ZFR2: variants seen among roughly 807,000 people sequenced by gnomAD.
The protein encoded by ZFR2 is zinc finger RNA binding protein 2.
In ZFR2, 104 loss-of-function variants were observed where a neutral mutation model predicts 105.7. That is an observed-to-expected ratio of 0.98 (90% CI 0.84 to 1.16). The LOEUF (loss-of-function observed/expected upper bound fraction) is 1.16, where lower values mean the gene tolerates loss of function less well. ZFR2 is among the 50% of genes most tolerant of loss of function. The pLI is 0.00. For missense variants in ZFR2, 1,425 were observed against 1,355.5 expected (o/e 1.05, Z -0.80); for synonymous variants, 634 against 597.7 (o/e 1.06, Z -0.89).
At position 3,809,104 on chromosome 19, in the gene ZFR2, C is replaced by T. The variant is rs543624644; in HGVS notation, c.2434-121G>A. 3,357 of 690,986 alleles carry T rather than the reference C, an allele frequency of 4.9e-3. 87 individuals are homozygous for T. In the African/African-American group the frequency reaches 0.052, roughly 11 times the overall value. The allele number at this position is 690,986 out of a possible 1,614,324, so 42.8% of individuals were successfully genotyped here. A position where few individuals can be genotyped will look rare whatever the true frequency, so the allele number is the denominator to read the frequency against. On this transcript the variant is annotated intron_variant, in intron 16 of 18. Transcript: ENST00000262961. Reference sequence around the variant, plus strand: ...TCAGCTCTTTCTCTAACTCCCACCACCCACTGAACTTCCGCCGAGGAGGGC... The same window carrying T: ...TCAGCTCTTTCTCTAACTCCCACCATCCACTGAACTTCCGCCGAGGAGGGC...
At chr19:3,842,205 G>A (rs4806957) in intron 1 of ZFR2, among the ~76,000 whole-genome samples, 24,832 of 151,604 alleles carry the variant, frequency 0.16, 2,891 homozygotes, top group African/African-American at 0.34. Context: ...TAGAGATGGG[G>A]GTCTTGCTGT....
Position 3,806,138 on chromosome 19 carries a change from C to G in ZFR2, c.2644-13G>C. 7.0e-7 allele frequency: 1 copy of G among 1,419,550 alleles called. No individual in the cohort carries two copies. Among genetic ancestry groups the G allele is most frequent in the Non-Finnish European group, 9.2e-7 (1 of 1,088,778 alleles). 87.9% of individuals were successfully genotyped at this position (1,419,550 alleles called of 1,614,324 possible). A position where few individuals can be genotyped will look rare whatever the true frequency, so the allele number is the denominator to read the frequency against. ...TTCGCAGGGCGTGCTGCGGGGCACA[C>G]ACAGCCTGTCAGGACCCCCGCCCGC... On this transcript the variant is annotated splice_polypyrimidine_tract_variant and intron_variant, in intron 18 of 18. Transcript: ENST00000262961.
intron 1 of ZFR2, among the ~76,000 whole-genome samples, chr19:3,847,657 G>A (rs1464992924): frequency 6.6e-6 from 1 of 152,188 alleles, no homozygotes; most frequent in Non-Finnish European, 1.5e-5. Flanking sequence ...AGAGGCTCAG[G>A]CCTCACCTTT....
At chr19:3,861,401 T>G (rs1308163789) in intron 1 of ZFR2, among the ~76,000 whole-genome samples, 1 of 151,756 alleles carries the variant, frequency 6.6e-6, no homozygotes, top group East Asian at 1.9e-4. Flanking sequence ...CCGAGGCAGG[T>G]GGATCACTTA....
At chr19:3,807,968 C>T (rs1014111420) in intron 17 of ZFR2, among the ~76,000 whole-genome samples, 3 of 147,400 alleles carry the variant, frequency 2.0e-5, no homozygotes, top group African/African-American at 7.6e-5. Context: ...TCTGTGTGTG[C>T]CCGTGCGTGC....
In ZFR2 at chr19:3,858,593, G is replaced by A. The variant is rs950638041; in HGVS notation, c.53+10372C>T. On this transcript the variant is annotated intron_variant, in intron 1 of 18. Coordinates refer to ENST00000262961, the MANE Select transcript of ZFR2 (RefSeq NM_015174.2). This position sits in a 1 kb window ranked among gnomAD's most constrained non-coding sequence, Gnocchi z 4.3. The stretch of plus-strand genomic sequence containing the variant: ...AGTGCTTTGGGAGGCCAAGGCAGGC[G>A]GATCACCTGAGGTCAGGAGTTCAAG... Among the ~76,000 whole-genome samples the A allele has an allele frequency of 1.3e-5, 2 of 152,152 alleles. No homozygotes were observed. The highest frequency in any genetic ancestry group is 2.4e-5 in the African/African-American group (1 of 41,436).
chr19:3,821,990 G>A, intron 9 of ZFR2, 91 bp downstream of exon 9: 1 of 1,475,522 alleles, frequency 6.8e-7, no homozygotes, highest in South Asian at 1.3e-5. Context: ...CGGATCACAC[G>A]CGCGGAAGAG....
At chr19:3,867,221 A>G (rs536632685) in intron 1 of ZFR2, among the ~76,000 whole-genome samples, 64 of 151,986 alleles carry the variant, frequency 4.2e-4, no homozygotes, top group Non-Finnish European at 7.9e-4. Flanking sequence ...GTGGGGGCTC[A>G]GCAGGGACTG....
intron 11 of ZFR2, among the ~76,000 whole-genome samples, chr19:3,819,852 C>CAAA (rs1555754315): frequency 3.6e-5 from 5 of 138,658 alleles, no homozygotes; most frequent in African/African-American, 1.4e-4. Flanking sequence ...GACTCTGTCT[C>CAAA]AAAAAAAAAT....
intron 5 of ZFR2, among the ~76,000 whole-genome samples, chr19:3,828,862 A>G (rs1224653025): frequency 1.5e-4 from 23 of 152,194 alleles, no homozygotes. Context: ...CCGGCTTGGC[A>G]CACAAGAACT....
At chr19:3,862,431 G>A (rs1036383997) in intron 1 of ZFR2, among the ~76,000 whole-genome samples, 1 of 152,130 alleles carries the variant, frequency 6.6e-6, no homozygotes, top group Non-Finnish European at 1.5e-5. Flanking sequence ...CCGAGTAGCT[G>A]GGACCACAGG....
At chr19:3,816,897 C>A (rs1044385515) in intron 12 of ZFR2, 52 bp from the exon 13 acceptor site, 1 of 1,483,598 alleles carries the variant, frequency 6.7e-7, no homozygotes, top group South Asian at 1.3e-5. Context: ...ACGCGGGGTA[C>A]CCCAGCTGCC....
chr19:3,807,721 T>C (rs1441737925), intron 17 of ZFR2, among the ~76,000 whole-genome samples: 8 of 148,546 alleles, frequency 5.4e-5, no homozygotes, highest in Non-Finnish European at 1.0e-4. Context: ...ATGCACGGTG[T>C]GCCCGTGTGT....
chr19:3,805,972 G>T lies in ZFR2; in HGVS notation c.2797C>A (p.Arg933=), dbSNP rs781206040. Residue 933 remains arginine, a synonymous_variant, in exon 19 of 19, where the codon CGG becomes AGG. Transcript: ENST00000262961. ...EGAGEKKRGR[R]GGEGLV ...GCTCACACGAGCCCCTCTCCGCCCC[G>T]CCGGCCCCGCTTCTTCTCCCCTGCG... is the stretch of plus-strand genomic sequence containing the variant. 3.3e-6 allele frequency: 5 copies of T among 1,537,836 alleles called. No individual in the cohort carries two copies. Among genetic ancestry groups the T allele is most frequent in the Admixed American group, 3.9e-5 (2 of 50,686 alleles).
rs759958697 is a variant in ZFR2 at position 3,831,861 on chromosome 19, C to T, written c.397G>A (p.Gly133Arg). Residue 133 changes from glycine to arginine, a missense_variant, in exon 4 of 19, where the codon GGG (glycine) becomes AGG (arginine). Gly to Arg is a moderately radical substitution (Grantham distance 125, BLOSUM62 -2). Coordinates refer to ENST00000262961, the MANE Select transcript of ZFR2 (RefSeq NM_015174.2). ...SGQPGTQEACGQPSPHGSHSH... is the reference protein window; with the variant it reads ...SGQPGTQEACRQPSPHGSHSH... ...TGACTGCCATGGGGGCTGGGCTGCC[C>T]GCAGGCTTCTTGGGTCCCTAGGGGA... 47 of 1,586,356 alleles carry T rather than the reference C, an allele frequency of 3.0e-5. No homozygotes were observed. The East Asian group carries it at 3.6e-4, about 12-fold the overall frequency.
At chr19:3,807,821 T>C (rs1382340393) in intron 17 of ZFR2, among the ~76,000 whole-genome samples, 3 of 147,604 alleles carry the variant, frequency 2.0e-5, no homozygotes, top group African/African-American at 7.6e-5. Context: ...CACGTGTGCC[T>C]GTATGTGCAC....
intron 17 of ZFR2, among the ~76,000 whole-genome samples, chr19:3,808,541 A>G (rs1002920517): frequency 6.6e-6 from 1 of 152,074 alleles, no homozygotes; most frequent in Non-Finnish European, 1.5e-5. Context: ...ACCGGGGTGG[A>G]TTTGTGCCAG....
At chr19:3,807,689 A>T (rs55954849) in intron 17 of ZFR2, among the ~76,000 whole-genome samples, 19,828 of 143,094 alleles carry the variant, frequency 0.14, 1,605 homozygotes, top group Admixed American at 0.29. Flanking sequence ...GTGCTTGTGC[A>T]TGCACCCATG....
At position 3,834,651 on chromosome 19, in the gene ZFR2, CGAAG is replaced by C. The variant is rs1332796495; in HGVS notation, c.264+118_264+121del. 17 of 1,107,448 alleles carry C rather than the reference CGAAG, an allele frequency of 1.5e-5. No individual in the cohort carries two copies. Among genetic ancestry groups the C allele is most frequent in the Non-Finnish European group, 2.2e-5 (17 of 762,952 alleles). The allele number at this position is 1,107,448 out of a possible 1,614,324, so 68.6% of individuals were successfully genotyped here. ...GTACGCAATGCCAGCAGAAGGGTCCCGAAGGAAGGATCACGGTTAAGAGGCCTGG... is the reference window on the plus strand; with the variant it reads ...GTACGCAATGCCAGCAGAAGGGTCCCGAAGGATCACGGTTAAGAGGCCTGG... On this transcript the variant is annotated intron_variant, in intron 2 of 18. Coordinates refer to ENST00000262961, the MANE Select transcript of ZFR2 (RefSeq NM_015174.2). The surrounding 1 kb of genome is among the most constrained non-coding windows in gnomAD (Gnocchi z 5.3).
Sources: allele counts gnomAD v4.1 joint callset (sites outside exome capture counted in the v4.1 genomes callset), GRCh38; gene constraint gnomAD v4.1.1; non-coding constraint Gnocchi (gnomAD v3.1); transcripts MANE v1.5; gene names NCBI Gene and HGNC (gene_info 2026-07-23, HGNC 2026-07-21).